Variants in EPHB1 observed in about 807,000 individuals in gnomAD.
The protein encoded by EPHB1 is EPH receptor B1.
A neutral mutation model predicts 94.4 loss-of-function variants in EPHB1; 30 were observed. The ratio of observed to expected loss-of-function variants is 0.32; its 90% CI spans 0.24 to 0.43. The LOEUF is 0.43. EPHB1 is among the 20% of genes least tolerant of loss of function. The probability of loss-of-function intolerance (pLI) is 1.00; values close to 1 mark genes in which losing one functional copy is unlikely to be tolerated. For synonymous variants in EPHB1, 522 were observed against 489.1 expected (o/e 1.07, Z -0.89); for missense variants, 1,055 against 1,308.3 (o/e 0.81, Z 2.99).
intron 3 of EPHB1, among the ~76,000 whole-genome samples, chr3:134,962,901 T>C (rs934990372): frequency 2.6e-5 from 4 of 152,030 alleles, no homozygotes; most frequent in Non-Finnish European, 5.9e-5. Context: ...GTCTACCCTC[T>C]ACTGGAGCAT....
chr3:134,826,958 C>T (rs1226717175), intron 1 of EPHB1, among the ~76,000 whole-genome samples: 1 of 152,192 alleles, frequency 6.6e-6, no homozygotes, highest in Non-Finnish European at 1.5e-5. Flanking sequence ...TAGCATAGTG[C>T]ATGCAATAGG....
intron 1 of EPHB1, among the ~76,000 whole-genome samples, chr3:134,834,168 T>G (rs560324615): frequency 6.6e-6 from 1 of 152,270 alleles, no homozygotes; most frequent in Non-Finnish European, 1.5e-5. Flanking sequence ...CTCCCTGGAA[T>G]GCAAGCCCAT....
At chr3:135,154,308 C>G in intron 6 of EPHB1, 32 bp downstream of exon 6, 1 of 1,612,900 alleles carries the variant, frequency 6.2e-7, no homozygotes, top group South Asian at 1.1e-5. Flanking sequence ...GCTTGCAAGA[C>G]CCAAGGCCAG....
intron 1 of EPHB1, among the ~76,000 whole-genome samples, chr3:134,882,749 C>CTTT (rs1491426824): frequency 0.015 from 571 of 37,760 alleles, 10 homozygotes; most frequent in African/African-American, 0.03. Flanking sequence ...CTTCTTTCTT[C>CTTT]CTTTCTTCCT....
intron 2 of EPHB1, among the ~76,000 whole-genome samples, chr3:134,940,651 T>A (rs1022301836): frequency 6.6e-6 from 1 of 152,354 alleles, no homozygotes. Context: ...CTGTGTTTCA[T>A]TCAGATCTCA....
chr3:135,241,318 G>A (rs755913201), intron 13 of EPHB1, 21 bp downstream of exon 13: 2 of 1,613,936 alleles, frequency 1.2e-6, no homozygotes, highest in Admixed American at 1.7e-5. Flanking sequence ...GCAGCACTTG[G>A]TCACCACAAA....
At chr3:134,864,883 C>G (rs2037340507) in intron 1 of EPHB1, among the ~76,000 whole-genome samples, 1 of 152,208 alleles carries the variant, frequency 6.6e-6, no homozygotes, top group Admixed American at 6.5e-5. Flanking sequence ...TCACATCCAA[C>G]TCCCAGTGCA....
At chr3:134,798,542 G>A (rs2035874970) in intron 1 of EPHB1, among the ~76,000 whole-genome samples, 2 of 152,230 alleles carry the variant, frequency 1.3e-5, no homozygotes, top group Non-Finnish European at 2.9e-5. Context: ...GCCACTACAA[G>A]GAAAAGATCC....
chr3:134,806,815 G>A (rs772385253), intron 1 of EPHB1, among the ~76,000 whole-genome samples: 27 of 152,080 alleles, frequency 1.8e-4, no homozygotes, highest in Non-Finnish European at 3.1e-4. Context: ...ATCCTATTGG[G>A]GGAACAGACA....
chr3:135,139,167 G>C (rs1357099600), intron 5 of EPHB1, among the ~76,000 whole-genome samples: 2 of 152,210 alleles, frequency 1.3e-5, no homozygotes, highest in African/African-American at 2.4e-5. Context: ...GTGGTGATGA[G>C]AATGTGTCCT....
chr3:135,020,660 C>T (rs1935958650), intron 3 of EPHB1, among the ~76,000 whole-genome samples: 1 of 152,202 alleles, frequency 6.6e-6, no homozygotes, highest in African/African-American at 2.4e-5. Context: ...TATGTATTGA[C>T]TGTTTCAAGC....
At chr3:135,231,693 G>C (rs1338397059) in intron 12 of EPHB1, among the ~76,000 whole-genome samples, 2 of 152,144 alleles carry the variant, frequency 1.3e-5, no homozygotes, top group Non-Finnish European at 2.9e-5. Context: ...TTCAAGAAAA[G>C]CTTTGAAAAA....
At chr3:135,147,205 C>G (rs1559850879) in intron 5 of EPHB1, among the ~76,000 whole-genome samples, 1 of 152,098 alleles carries the variant, frequency 6.6e-6, no homozygotes, top group Non-Finnish European at 1.5e-5. Context: ...CCTTACCTTA[C>G]CCGTTTTCTT....
intron 1 of EPHB1, among the ~76,000 whole-genome samples, chr3:134,816,718 G>A (rs1440133650): frequency 1.3e-5 from 2 of 151,844 alleles, no homozygotes; most frequent in African/African-American, 4.8e-5. Context: ...ATCTATTGCT[G>A]GTGTGTAGTC....
intron 13 of EPHB1, among the ~76,000 whole-genome samples, chr3:135,245,805 CAA>C (rs34702210): frequency 1.0e-2 from 266 of 26,676 alleles, no homozygotes; most frequent in African/African-American, 0.031. Flanking sequence ...GACACCATCT[CAA>C]AAAAAAAAAA....
At chr3:135,113,777 G>A (rs1240993014) in intron 4 of EPHB1, among the ~76,000 whole-genome samples, 1 of 152,154 alleles carries the variant, frequency 6.6e-6, no homozygotes, top group Non-Finnish European at 1.5e-5. Flanking sequence ...TCTCCTTGAG[G>A]CTAAACACTT....
At chr3:134,890,601 G>A (rs186225877) in intron 1 of EPHB1, among the ~76,000 whole-genome samples, 365 of 152,328 alleles carry the variant, frequency 2.4e-3, no homozygotes, top group Non-Finnish European at 4.3e-3. Flanking sequence ...TATAGAGCCA[G>A]ACTGTTCTTT....
intron 3 of EPHB1, among the ~76,000 whole-genome samples, chr3:134,965,535 T>A (rs1435201689): frequency 6.6e-6 from 1 of 152,198 alleles, no homozygotes; most frequent in East Asian, 1.9e-4. Context: ...ACTGTACTCC[T>A]CCCGCCTGGG....
At chr3:134,806,605 T>G (rs1196370714) in intron 1 of EPHB1, among the ~76,000 whole-genome samples, 2 of 152,304 alleles carry the variant, frequency 1.3e-5, no homozygotes, top group East Asian at 3.9e-4. Context: ...TTGGAACAAT[T>G]AATAACTGAA....
Sources: allele counts gnomAD v4.1 joint callset (sites outside exome capture counted in the v4.1 genomes callset), GRCh38; gene constraint gnomAD v4.1.1; transcripts MANE v1.5; gene names NCBI Gene and HGNC (gene_info 2026-07-23, HGNC 2026-07-21).